RBFOX1: variants seen among roughly 807,000 people sequenced by gnomAD.
RBFOX1 encodes RNA binding fox-1 homolog 1, also known as RNA binding protein fox-1 homolog 1.
In RBFOX1, 8 loss-of-function variants were observed where a neutral mutation model predicts 57.7. The ratio of observed to expected loss-of-function variants is 0.14; its 90% CI spans 0.08 to 0.25. RBFOX1 has a LOEUF of 0.25. Among genes scored for constraint, RBFOX1 ranks in the 10% least tolerant of loss-of-function variants. The probability of loss-of-function intolerance (pLI) is 1.00; values close to 1 mark genes in which losing one functional copy is unlikely to be tolerated. For synonymous variants in RBFOX1, 326 were observed against 222.4 expected (o/e 1.47, Z -4.15); for missense variants, 611 against 548.5 (o/e 1.11, Z -1.14).
intron 4 of RBFOX1, among the ~76,000 whole-genome samples, chr16:7,445,629 A>T (rs1433390595): frequency 2.0e-5 from 3 of 152,042 alleles, no homozygotes; most frequent in African/African-American, 7.2e-5. Flanking sequence ...TCCAGAGAAC[A>T]TTTTCTTCTG....
chr16:7,514,962 T>C (rs1467771110), intron 4 of RBFOX1, among the ~76,000 whole-genome samples: 1 of 152,214 alleles, frequency 6.6e-6, no homozygotes, highest in African/African-American at 2.4e-5. Flanking sequence ...ATGATCATTG[T>C]CTGTACCACT....
intron 14 of RBFOX1, among the ~76,000 whole-genome samples, chr16:7,707,028 G>C (rs2082682271): frequency 6.6e-6 from 1 of 152,172 alleles, no homozygotes; most frequent in Admixed American, 6.5e-5. Context: ...TGTCCCCAAA[G>C]AATGAAAGGC....
rs567507102 is a variant in RBFOX1 at position 7,655,637 on chromosome 16, A to AAGTT, written c.890+1692_890+1695dup. 2.0e-5 allele frequency among the ~76,000 whole-genome samples: 3 copies of AAGTT among 152,362 alleles called. No homozygotes were observed. The South Asian group carries it at 6.2e-4, about 32-fold the overall frequency. On this transcript the variant is annotated intron_variant, in intron 12 of 15. Coordinates refer to ENST00000550418, the MANE Select transcript of RBFOX1 (RefSeq NM_018723.4). ...AGTTATGAAGGAAAAAGAAAATCCC[A>AAGTT]AGTTACCTTTGGGCTCATGTAATTA...
intron 1 of RBFOX1, among the ~76,000 whole-genome samples, chr16:5,328,540 A>T (rs2064651472): frequency 6.6e-6 from 1 of 152,250 alleles, no homozygotes; most frequent in African/African-American, 2.4e-5. Flanking sequence ...AGCATTGCTA[A>T]TGTCCCAGAC....
At chr16:5,813,694 T>C (rs2055518930) in intron 3 of RBFOX1, among the ~76,000 whole-genome samples, 1 of 152,236 alleles carries the variant, frequency 6.6e-6, no homozygotes. Flanking sequence ...ATCTGTATCA[T>C]AGAGTTGTTC....
At chr16:5,545,340 T>C (rs1038635269) in intron 2 of RBFOX1, among the ~76,000 whole-genome samples, 2 of 152,042 alleles carry the variant, frequency 1.3e-5, no homozygotes, top group Admixed American at 6.6e-5. Flanking sequence ...TTCCAGGAAA[T>C]TGAAGAGGAA....
chr16:5,376,802 A>G (rs2065995884), intron 1 of RBFOX1, among the ~76,000 whole-genome samples: 1 of 151,544 alleles, frequency 6.6e-6, no homozygotes, highest in Admixed American at 6.5e-5. Flanking sequence ...CAGAAGTGTC[A>G]GAGATAAAGT....
At chr16:7,155,736 T>TACACACAC (rs1476111320) in intron 4 of RBFOX1, among the ~76,000 whole-genome samples, 1 of 83,392 alleles carries the variant, frequency 1.2e-5, no homozygotes. Context: ...TATATATATA[T>TACACACAC]ATACACACAC....
chr16:6,077,064 C>T (rs528118834), intron 1 of RBFOX1, among the ~76,000 whole-genome samples: 2 of 152,290 alleles, frequency 1.3e-5, no homozygotes, highest in South Asian at 2.1e-4. Flanking sequence ...TTTACAGCTT[C>T]GTAAGCCTAG....
At chr16:7,288,076 G>A (rs113645554) in intron 4 of RBFOX1, among the ~76,000 whole-genome samples, 101 of 152,230 alleles carry the variant, frequency 6.6e-4, no homozygotes, top group African/African-American at 2.3e-3. Flanking sequence ...TCCTTTAGAT[G>A]CTGGATCAAG....
chr16:6,795,647 T>TC (rs2083840381), intron 3 of RBFOX1, among the ~76,000 whole-genome samples: 3 of 152,048 alleles, frequency 2.0e-5, no homozygotes, highest in South Asian at 4.2e-4. Context: ...GTGCCTGTAA[T>TC]CCCAGCTACT....
intron 3 of RBFOX1, among the ~76,000 whole-genome samples, chr16:6,767,431 T>G (rs1251062459): frequency 6.6e-6 from 1 of 152,222 alleles, no homozygotes; most frequent in African/African-American, 2.4e-5. Flanking sequence ...GTAGCCCTGC[T>G]GCAATCTATA....
rs532182920 is a variant in RBFOX1, at chr16:6,802,706, A to G, written c.-16+148056A>G. Among the ~76,000 whole-genome samples the G allele has an allele frequency of 3.3e-5, 5 of 152,244 alleles. No homozygotes were observed. The South Asian group carries it at 1.0e-3, about 32-fold the overall frequency. ...AAACAAAAAAAGTGCATGTTATTTG[A>G]TGGTTTTTATATTCCTTTATTCATT... On this transcript the variant is annotated intron_variant, in intron 3 of 15. Coordinates refer to ENST00000550418, the MANE Select transcript of RBFOX1 (RefSeq NM_018723.4).
chr16:6,936,743 A>T (rs889540089), intron 3 of RBFOX1, among the ~76,000 whole-genome samples: 4 of 152,128 alleles, frequency 2.6e-5, no homozygotes, highest in African/African-American at 9.7e-5. Flanking sequence ...AGGTAGGGTA[A>T]TTCCATACTG....
chr16:5,879,090 T>C (rs143937947), intron 4 of RBFOX1, among the ~76,000 whole-genome samples: 45 of 152,250 alleles, frequency 3.0e-4, no homozygotes, highest in African/African-American at 9.4e-4. Context: ...AGATATTGAG[T>C]AGATACTGGG....
intron 2 of RBFOX1, among the ~76,000 whole-genome samples, chr16:5,493,850 G>C (rs1214733043): frequency 6.6e-6 from 1 of 152,198 alleles, no homozygotes; most frequent in Non-Finnish European, 1.5e-5. Flanking sequence ...TGGAGGGAAG[G>C]TGTTTCTGCA....
intron 1 of RBFOX1, among the ~76,000 whole-genome samples, chr16:6,176,269 C>T (rs1257233123): frequency 6.6e-6 from 1 of 151,510 alleles, no homozygotes. Flanking sequence ...CCTCAGCCTC[C>T]CGAGTAGCTG....
intron 1 of RBFOX1, among the ~76,000 whole-genome samples, chr16:5,343,325 GTTTT>G (rs1177982643): frequency 1.3e-5 from 1 of 76,328 alleles, no homozygotes; most frequent in African/African-American, 5.0e-5. Flanking sequence ...TTTTGGTTTT[GTTTT>G]TTTGAGATGG....
At chr16:5,795,603 T>C (rs1300579666) in intron 3 of RBFOX1, among the ~76,000 whole-genome samples, 4 of 152,170 alleles carry the variant, frequency 2.6e-5, no homozygotes, top group Non-Finnish European at 5.9e-5. Context: ...GTCTTCAATA[T>C]GTTGTTTCCT....
Sources: allele counts gnomAD v4.1 joint callset (sites outside exome capture counted in the v4.1 genomes callset), GRCh38; gene constraint gnomAD v4.1.1; transcripts MANE v1.5; gene names NCBI Gene and HGNC (gene_info 2026-07-23, HGNC 2026-07-21).